CDC42SE2: variants seen among roughly 807,000 people sequenced by gnomAD.
CDC42SE2 encodes the protein CDC42 small effector protein 2.
In CDC42SE2, 3 loss-of-function variants were observed where a neutral mutation model predicts 11.5. That is an observed-to-expected ratio of 0.26 (90% CI 0.12 to 0.67). The LOEUF is 0.67. Ranked by LOEUF, CDC42SE2 falls within the 30% of genes least tolerant of loss-of-function variation. CDC42SE2 has a pLI of 0.80. For missense variants in CDC42SE2, 82 were observed against 106.8 expected (o/e 0.77, Z 1.02); for synonymous variants, 33 against 34.8 (o/e 0.95, Z 0.18).
intron 2 of CDC42SE2, among the ~76,000 whole-genome samples, chr5:131,320,444 T>C (rs1758163609): frequency 6.7e-6 from 1 of 149,020 alleles, no homozygotes; most frequent in South Asian, 2.1e-4. Flanking sequence ...CTTCTAGATA[T>C]TAAAAATGTA....
chr5:131,319,051 G>A (rs755597377), intron 2 of CDC42SE2, among the ~76,000 whole-genome samples: 8 of 152,044 alleles, frequency 5.3e-5, no homozygotes, highest in Non-Finnish European at 1.2e-4. Flanking sequence ...ACAGGTGCCC[G>A]CCACCACTCC....
intron 3 of CDC42SE2, among the ~76,000 whole-genome samples, chr5:131,363,068 C>T (rs891554010): frequency 1.3e-5 from 2 of 151,912 alleles, no homozygotes; most frequent in African/African-American, 4.8e-5. Context: ...TGCTTGAACC[C>T]GCAAGGTGGA....
intron 2 of CDC42SE2, among the ~76,000 whole-genome samples, chr5:131,350,668 C>T (rs1332965769): frequency 4.0e-5 from 6 of 149,342 alleles, no homozygotes; most frequent in African/African-American, 1.2e-4. Context: ...ATTTGACTTA[C>T]GTATAAATAT....
intron 2 of CDC42SE2, among the ~76,000 whole-genome samples, chr5:131,345,128 G>A (rs985332855): frequency 6.0e-4 from 92 of 152,312 alleles, no homozygotes; most frequent in South Asian, 2.1e-4. Context: ...TGCCAGCAAC[G>A]GAACAAAGCT....
chr5:131,253,720 G>T (rs926954024), intron 1 of CDC42SE2, among the ~76,000 whole-genome samples: 1 of 152,122 alleles, frequency 6.6e-6, no homozygotes, highest in Non-Finnish European at 1.5e-5. Flanking sequence ...AGCTGAGATT[G>T]CACCATTGCA....
At chr5:131,372,679 C>T (rs1484018483) in intron 3 of CDC42SE2, among the ~76,000 whole-genome samples, 2 of 151,690 alleles carry the variant, frequency 1.3e-5, no homozygotes, top group Non-Finnish European at 2.9e-5. Flanking sequence ...CGCCACTGCA[C>T]TCCTGCCTGG....
At chr5:131,250,501 T>C (rs1396592278) in intron 1 of CDC42SE2, among the ~76,000 whole-genome samples, 1 of 152,120 alleles carries the variant, frequency 6.6e-6, no homozygotes, top group Non-Finnish European at 1.5e-5. Flanking sequence ...ATTCCAAATA[T>C]ATGACATTCT....
At chr5:131,320,446 A>C (rs1168526210) in intron 2 of CDC42SE2, among the ~76,000 whole-genome samples, 2 of 150,500 alleles carry the variant, frequency 1.3e-5, no homozygotes, top group Non-Finnish European at 3.0e-5. Context: ...TCTAGATATT[A>C]AAAATGTATT....
chr5:131,296,887 T>C (rs1757580428), intron 1 of CDC42SE2, among the ~76,000 whole-genome samples: 1 of 152,092 alleles, frequency 6.6e-6, no homozygotes, highest in African/African-American at 2.4e-5. Context: ...TTTCTTTCTT[T>C]CTTTTTTTTA....
chr5:131,325,421 C>G (rs1758274992), intron 2 of CDC42SE2, among the ~76,000 whole-genome samples: 1 of 151,036 alleles, frequency 6.6e-6, no homozygotes, highest in Admixed American at 6.6e-5. Context: ...TTACCAGCTT[C>G]CCCTTTGTGG....
chr5:131,316,907 GT>G (rs1300660154), intron 2 of CDC42SE2, among the ~76,000 whole-genome samples: 1 of 152,092 alleles, frequency 6.6e-6, no homozygotes, highest in Non-Finnish European at 1.5e-5. Context: ...TCAAAGCCAT[GT>G]TTTTTAGTGT....
chr5:131,256,628 G>A (rs1214121095), intron 2 of CDC42SE2, among the ~76,000 whole-genome samples: 6 of 152,112 alleles, frequency 3.9e-5, no homozygotes, highest in Non-Finnish European at 8.8e-5. Context: ...TTCTGTTGTT[G>A]GTAGAATTCA....
chr5:131,370,288 G>C (rs1214687205), intron 3 of CDC42SE2, among the ~76,000 whole-genome samples: 2 of 151,972 alleles, frequency 1.3e-5, no homozygotes, highest in African/African-American at 4.8e-5. Context: ...GAACAAAAGA[G>C]AAAAGAAACT....
rs150461845 is a variant in CDC42SE2, at chr5:131,280,925, C to G, written c.-455+16759C>G. 9.9e-5 allele frequency among the ~76,000 whole-genome samples: 15 copies of G among 152,142 alleles called. No homozygotes were observed. The East Asian group carries it at 2.9e-3, about 29-fold the overall frequency. Reference sequence around the variant, plus strand: ...GGAAAAATTTTAGCATGTAAGAATTCTTATGTTAATGTTTCCTTTGATTTT... The same window carrying G: ...GGAAAAATTTTAGCATGTAAGAATTGTTATGTTAATGTTTCCTTTGATTTT... On this transcript the variant is annotated intron_variant, in intron 1 of 4. Transcript: ENST00000505065.
intron 2 of CDC42SE2, among the ~76,000 whole-genome samples, chr5:131,333,049 T>C (rs983300054): frequency 7.9e-5 from 12 of 152,218 alleles, no homozygotes; most frequent in African/African-American, 2.9e-4. Context: ...TGCCCGTGCC[T>C]ATACCTGAAT....
At chr5:131,213,523 A>C in the CDC42SE2 span, among the ~76,000 whole-genome samples, 6 of 152,156 alleles carry the variant, frequency 3.9e-5, no homozygotes, top group Admixed American at 1.3e-4. Flanking sequence ...GTCGTGGCTC[A>C]CTGCGGCCTT....
At chr5:131,347,404 A>C (rs1361411689) in intron 2 of CDC42SE2, among the ~76,000 whole-genome samples, 1 of 152,202 alleles carries the variant, frequency 6.6e-6, no homozygotes, top group Non-Finnish European at 1.5e-5. Flanking sequence ...TCTAGAAGAA[A>C]TGGATAAATT....
intron 1 of CDC42SE2, among the ~76,000 whole-genome samples, chr5:131,310,006 TCTTG>T (rs1429280919): frequency 1.3e-5 from 2 of 152,188 alleles, no homozygotes; most frequent in Non-Finnish European, 1.5e-5. Context: ...ATGTGTTTGC[TCTTG>T]CTTGTCTAGT....
intron 1 of CDC42SE2, among the ~76,000 whole-genome samples, 199 bp from the exon 2 acceptor site, chr5:131,315,777 T>C (rs1192111585): frequency 6.6e-6 from 1 of 152,142 alleles, no homozygotes; most frequent in Non-Finnish European, 1.5e-5. Context: ...ACAATAAATT[T>C]ATATGGTGGG....
Sources: allele counts gnomAD v4.1 joint callset (sites outside exome capture counted in the v4.1 genomes callset), GRCh38; gene constraint gnomAD v4.1.1; transcripts MANE v1.5; gene names NCBI Gene and HGNC (gene_info 2026-07-23, HGNC 2026-07-21).